The following ANKDD1A variants were observed in gnomAD, a reference collection of about 807,000 sequenced individuals.
ANKDD1A encodes ankyrin repeat and death domain-containing protein 1A.
In ANKDD1A, 59 loss-of-function variants were observed where a neutral mutation model predicts 63.5. The ratio of observed to expected loss-of-function variants is 0.93; its 90% confidence interval spans 0.75 to 1.15. The LOEUF (loss-of-function observed/expected upper bound fraction) is 1.15. ANKDD1A is among the 50% of genes most tolerant of loss of function. ANKDD1A has a pLI of 0.00. For synonymous variants in ANKDD1A, 266 were observed against 263.9 expected (o/e 1.01, Z -0.08); for missense variants, 632 against 656.4 (o/e 0.96, Z 0.41).
chr15:64,919,426 A>G (rs2084993049), intron 3 of ANKDD1A, among the ~76,000 whole-genome samples: 1 of 151,942 alleles, frequency 6.6e-6, no homozygotes, highest in Non-Finnish European at 1.5e-5. Context: ...CCAGCTGTAG[A>G]CCCTCATTTG....
chr15:64,922,156 A>T, intron 4 of ANKDD1A, 137 bp downstream of exon 4: 1 of 666,770 alleles, frequency 1.5e-6, no homozygotes, highest in Non-Finnish European at 2.5e-6. Context: ...CTTTCATCTG[A>T]TCTCCCCCAC....
chr15:64,945,813 T>C lies in ANKDD1A; in HGVS notation c.1161+1066T>C, dbSNP rs370073913. 1.1e-4 allele frequency among the ~76,000 whole-genome samples: 16 copies of C among 151,138 alleles called. No individual in the cohort carries two copies. In the East Asian group the frequency reaches 1.7e-3, roughly 17 times the overall value. ...ATGCCCAGCTAATTTTTTGTATTTT[T>C]AGTAGAGATGGGGTTTCACTATGTT... On this transcript the variant is annotated intron_variant, in intron 12 of 14. Transcript: ENST00000319580.
At chr15:64,952,765 CCT>C (rs2085319847) in intron 14 of ANKDD1A, among the ~76,000 whole-genome samples, 1 of 114,982 alleles carries the variant, frequency 8.7e-6, no homozygotes, top group African/African-American at 3.0e-5. Flanking sequence ...TCCTCCTCCT[CCT>C]TTCTTTTCTT....
intron 4 of ANKDD1A, among the ~76,000 whole-genome samples, chr15:64,923,853 G>T (rs918872462): frequency 6.6e-6 from 1 of 152,178 alleles, no homozygotes; most frequent in Non-Finnish European, 1.5e-5. Context: ...TATAAACAGA[G>T]TTGTGAATGA....
chr15:64,946,655 T>TA (rs987711896), intron 12 of ANKDD1A, among the ~76,000 whole-genome samples: 6 of 152,252 alleles, frequency 3.9e-5, no homozygotes, highest in African/African-American at 1.4e-4. Flanking sequence ...CAGTGGTTCT[T>TA]AAAGTTCCCA....
At chr15:64,946,454 A>G (rs1208284736) in intron 12 of ANKDD1A, among the ~76,000 whole-genome samples, 8 of 152,202 alleles carry the variant, frequency 5.3e-5, no homozygotes, top group Admixed American at 2.6e-4. Flanking sequence ...ACAACAGATT[A>G]TTCCTAAATA....
intron 9 of ANKDD1A, among the ~76,000 whole-genome samples, chr15:64,934,935 C>G (rs966942209): frequency 3.3e-5 from 5 of 152,096 alleles, no homozygotes; most frequent in African/African-American, 9.7e-5. Flanking sequence ...TTGGTTAAAA[C>G]ACAGACTTTG....
chr15:64,947,483 T>G lies in ANKDD1A; in HGVS notation c.1241T>G (p.Val414Gly). ...HRQETQQLRS[V>G]LWRLASRYLQ... ...CAGGAAACACAGCAGCTCCGTTCTGTGCTGTGGCGGCTGGCCTCCAGGTAT... is the reference window on the plus strand; with the variant it reads ...CAGGAAACACAGCAGCTCCGTTCTGGGCTGTGGCGGCTGGCCTCCAGGTAT... Residue 414 changes from valine to glycine, a missense_variant, in exon 13 of 15, where the codon GTG becomes GGG. Coordinates refer to ENST00000319580, the MANE Select transcript of ANKDD1A (RefSeq NM_182703.6). 1 of 1,614,156 alleles carries G rather than the reference T, an allele frequency of 6.2e-7. No individual in the cohort carries two copies. The highest frequency in any genetic ancestry group is 1.1e-5 in the South Asian group (1 of 91,086).
rs768927518 is a variant in ANKDD1A at position 64,943,489 on chromosome 15, G to A, written c.972G>A (p.Gln324=). The A allele has an allele frequency of 1.9e-6, 3 of 1,614,180 alleles. No individual in the cohort carries two copies. Among genetic ancestry groups the A allele is most frequent in the Admixed American group, 3.3e-5 (2 of 60,026 alleles). The change falls in exon 11 of 15, where the codon CAG becomes CAA. Residue 324 remains glutamine, a synonymous_variant. Transcript: ENST00000319580. ...TCCCTTGGCTTCTCCCCTAGAGGCA[G>A]CAGACGCCCCTTCACCTGGCTGCAG... ...DSDVNAVDNR[Q]QTPLHLAAEH...
At chr15:64,917,660 A>T (rs992646217) in intron 3 of ANKDD1A, 146 bp downstream of exon 3, 8 of 1,246,708 alleles carry the variant, frequency 6.4e-6, no homozygotes, top group Non-Finnish European at 8.7e-6. Context: ...AGGCGCAGGG[A>T]CACTGCACTG....
At chr15:64,954,320 TAG>T (rs2085380619) in intron 14 of ANKDD1A, among the ~76,000 whole-genome samples, 1,477 of 26,222 alleles carry the variant, frequency 0.056, 27 homozygotes, top group African/African-American at 0.083. Context: ...TCTTCCTTCT[TAG>T]TTCTTCCTTC....
At chr15:64,952,994 C>G (rs2085327984) in intron 14 of ANKDD1A, among the ~76,000 whole-genome samples, 1 of 10,318 alleles carries the variant, frequency 9.7e-5, no homozygotes, top group Non-Finnish European at 5.3e-4. Flanking sequence ...CCTTCTTCTC[C>G]TTCTTAGTTC....
intron 13 of ANKDD1A, among the ~76,000 whole-genome samples, chr15:64,948,832 GA>G (rs886808535): frequency 1.8e-3 from 265 of 146,364 alleles, no homozygotes; most frequent in African/African-American, 6.0e-3. Flanking sequence ...TCTCCCAAAG[GA>G]AAAAAAAAAG....
At chr15:64,938,944 C>CAA (rs34151661) in intron 9 of ANKDD1A, among the ~76,000 whole-genome samples, 3 of 132,802 alleles carry the variant, frequency 2.3e-5, no homozygotes, top group African/African-American at 5.6e-5. Context: ...GACTCCATCT[C>CAA]AAAAAAAAAA....
intron 14 of ANKDD1A, among the ~76,000 whole-genome samples, chr15:64,953,926 CTTTTTT>C (rs2085366133): frequency 1.0e-4 from 1 of 9,646 alleles, no homozygotes; most frequent in Non-Finnish European, 3.9e-4. Flanking sequence ...TTCTCTTTTT[CTTTTTT>C]CTTTTCTTCC....
chr15:64,950,931 AG>A (rs2140384741), intron 14 of ANKDD1A: 10 of 1,271,120 alleles, frequency 7.9e-6, no homozygotes, highest in Non-Finnish European at 1.0e-5. Flanking sequence ...CAACAGAGGA[AG>A]TAAGATTCTT....
At position 64,920,391 on chromosome 15, in the gene ANKDD1A, T is replaced by C. The variant is rs143091450; in HGVS notation, c.268-1530T>C. ...GAGGCATAGACATATTTTCAGTTGC[T>C]CCAGAGAGTTGGTGGGATGGAAATT... is the stretch of plus-strand genomic sequence containing the variant. On this transcript the variant is annotated intron_variant, in intron 3 of 14. Transcript: ENST00000319580. 7.8e-4 allele frequency among the ~76,000 whole-genome samples: 119 copies of C among 152,068 alleles called. 1 individual carries two copies. The highest frequency in any genetic ancestry group is 2.8e-3 in the African/African-American group (118 of 41,478).
intron 14 of ANKDD1A, among the ~76,000 whole-genome samples, chr15:64,954,573 CCTT>C (rs2085391011): frequency 4.4e-5 from 6 of 135,686 alleles, no homozygotes; most frequent in South Asian, 2.5e-4. Flanking sequence ...TCCTTGTTCT[CCTT>C]CTTCCTTATT....
chr15:64,953,952 A>G (rs2085367123), intron 14 of ANKDD1A, among the ~76,000 whole-genome samples: 1 of 71,992 alleles, frequency 1.4e-5, no homozygotes, highest in Admixed American at 1.5e-4. Flanking sequence ...CTCTTCTTCT[A>G]TTGTTTCTTT....
Sources: allele counts gnomAD v4.1 joint callset (sites outside exome capture counted in the v4.1 genomes callset), GRCh38; gene constraint gnomAD v4.1.1; transcripts MANE v1.5; gene names NCBI Gene and HGNC (gene_info 2026-07-23, HGNC 2026-07-21).